Variants in TDG observed in about 807,000 individuals in gnomAD.
TDG encodes the protein G/T mismatch-specific thymine DNA glycosylase.
TDG carries 23 observed loss-of-function variants against 46.1 expected under a neutral mutation model. The observed-to-expected ratio is 0.50, with a 90% confidence interval of 0.36 to 0.71. TDG has a LOEUF of 0.71. Among genes scored for constraint, TDG ranks in the 30% least tolerant of loss-of-function variants. The pLI is 0.00. For missense variants in TDG, 304 were observed against 486.7 expected, an observed-to-expected ratio of 0.62 and a Z score of 3.53; for synonymous variants, 115 against 161.3, an observed-to-expected ratio of 0.71 and a Z score of 2.18.
chr12:103,987,894 A>T lies in TDG; in HGVS notation c.*804A>T, dbSNP rs1593521761. 6.6e-6 allele frequency: 1 copy of T among 152,606 alleles called. No individual in the cohort carries two copies. Among genetic ancestry groups the T allele is most frequent in the East Asian group, 1.9e-4 (1 of 5,194 alleles). The allele number at this position is 152,606 out of a possible 1,614,324, so 9.5% of individuals were successfully genotyped here. On this transcript the variant is annotated 3_prime_UTR_variant, in exon 10 of 10. Transcript: ENST00000392872. ...TCTTCCTTGGCTTTAAGAGTGTGCCATGGAAAGTGATAAGAAATGAACTTC... is the reference window on the plus strand; with the variant it reads ...TCTTCCTTGGCTTTAAGAGTGTGCCTTGGAAAGTGATAAGAAATGAACTTC...
rs1301877820 is a variant in TDG, at chr12:103,987,683, C to T, written c.*593C>T. The T allele has an allele frequency of 6.5e-6, 1 of 152,928 alleles. No homozygotes were observed. Among genetic ancestry groups the T allele is most frequent in the Non-Finnish European group, 1.5e-5 (1 of 68,434 alleles). 9.5% of individuals were successfully genotyped at this position (152,928 alleles called of 1,614,324 possible). On this transcript the variant is annotated 3_prime_UTR_variant, in exon 10 of 10. Coordinates refer to ENST00000392872, the MANE Select transcript of TDG (RefSeq NM_003211.6). ...AAAAACTGGCCCTTACCTGACAGAG[C>T]CCTGGCTTTGACCTGCTCAGCCCTG...
intron 7 of TDG, among the ~76,000 whole-genome samples, chr12:103,984,473 A>G (rs1872008702): frequency 1.3e-5 from 2 of 152,288 alleles, no homozygotes; most frequent in African/African-American, 4.8e-5. Context: ...CATGCGCTGT[A>G]ATCCCAGCTA....
intron 2 of TDG, among the ~76,000 whole-genome samples, chr12:103,977,874 G>A (rs1045097160): frequency 1.3e-5 from 2 of 152,074 alleles, no homozygotes; most frequent in Non-Finnish European, 2.9e-5. Flanking sequence ...GACCAGCCTG[G>A]CGAACATGGC....
intron 7 of TDG, among the ~76,000 whole-genome samples, chr12:103,984,098 C>T (rs968838839): frequency 7.9e-5 from 12 of 152,124 alleles, no homozygotes; most frequent in African/African-American, 2.9e-4. Flanking sequence ...GTTTCTGCCA[C>T]CTAAATATAT....
intron 8 of TDG, among the ~76,000 whole-genome samples, chr12:103,985,192 C>T (rs943940427): frequency 9.1e-5 from 13 of 142,912 alleles, no homozygotes; most frequent in Admixed American, 1.4e-4. Context: ...CACACACACA[C>T]ACACACACAC....
chr12:103,968,538 A>C (rs1871161760), intron 1 of TDG, among the ~76,000 whole-genome samples: 1 of 152,168 alleles, frequency 6.6e-6, no homozygotes, highest in Admixed American at 6.5e-5. Context: ...ATGTTAGCAA[A>C]ATGATTGTCT....
chr12:103,973,068 T>C, intron 1 of TDG: 1 of 690,252 alleles, frequency 1.4e-6, no homozygotes, highest in Admixed American at 2.1e-5. Context: ...TGTGACAGAG[T>C]AAAAACACGT....
chr12:103,968,308 A>G (rs1273845458), intron 1 of TDG, among the ~76,000 whole-genome samples: 1 of 152,224 alleles, frequency 6.6e-6, no homozygotes, highest in African/African-American at 2.4e-5. Context: ...ACTGGAAGAG[A>G]GTAGCATGGA....
At chr12:103,967,838 T>TCG (rs1871118949) in intron 1 of TDG, 1 of 140,712 alleles carries the variant, frequency 7.1e-6, no homozygotes, top group Non-Finnish European at 1.6e-5. Flanking sequence ...TTTGTTTTTT[T>TCG]TTTTTTTTGA....
chr12:103,980,063 C>A lies in TDG; in HGVS notation c.399C>A (p.Asp133Glu). Reference sequence around the variant, plus strand: ...CCGATATTTTGACCTTCAATCTGGACATTGTCATTGTAAGATCTTTGTCCT... The same window carrying A: ...CCGATATTTTGACCTTCAATCTGGAAATTGTCATTGTAAGATCTTTGTCCT... ...TLPDILTFNL[D>E]IVIIGINPGL... Residue 133 changes from aspartate to glutamate, a missense_variant, in exon 3 of 10, where the codon GAC becomes GAA. Asp to Glu is a conservative substitution (Grantham distance 45). Transcript: ENST00000392872. The A allele has an allele frequency of 1.9e-6, 3 of 1,614,142 alleles. No homozygotes were observed. The highest frequency in any genetic ancestry group is 2.5e-6 in the Non-Finnish European group (3 of 1,180,028).
At chr12:103,985,463 A>G in intron 8 of TDG, 140 bp from the exon 9 acceptor site, 1 of 999,278 alleles carries the variant, frequency 1.0e-6, no homozygotes, top group South Asian at 2.2e-5. Flanking sequence ...AGTACATGCT[A>G]TAAGTTTAAA....
At chr12:103,972,272 C>T (rs887258495) in intron 1 of TDG, among the ~76,000 whole-genome samples, 4 of 152,258 alleles carry the variant, frequency 2.6e-5, no homozygotes, top group South Asian at 2.1e-4. Context: ...GCGCATGCCA[C>T]GACGCCTGAC....
Position 103,984,824 on chromosome 12 carries a change from A to T in TDG, c.868A>T (p.Ile290Leu). ...AGCCCAAGACAAAGTTCATTACTACATAAAACTGAAGGACTTAAGAGATCA... is the reference window on the plus strand; with the variant it reads ...AGCCCAAGACAAAGTTCATTACTACTTAAAACTGAAGGACTTAAGAGATCA... ...PRAQDKVHYYIKLKDLRDQLK... is the reference protein window; with the variant it reads ...PRAQDKVHYYLKLKDLRDQLK... The change falls in exon 8 of 10, where the codon ATA becomes TTA. Residue 290 changes from isoleucine (I) to leucine (L), a missense_variant. Physicochemically the swap from Ile to Leu is conservative, Grantham distance 5. Transcript: ENST00000392872. The T allele has an allele frequency of 2.5e-6, 4 of 1,613,614 alleles. No homozygotes were observed. Among genetic ancestry groups the T allele is most frequent in the Non-Finnish European group, 3.4e-6 (4 of 1,179,536 alleles).
chr12:103,984,456 A>G (rs563598248), intron 7 of TDG, among the ~76,000 whole-genome samples: 2 of 152,264 alleles, frequency 1.3e-5, no homozygotes, highest in Non-Finnish European at 2.9e-5. Context: ...TTAGCCAGGC[A>G]TGGTGGCATG....
chr12:103,979,876 A>C lies in TDG; in HGVS notation c.212A>C (p.Lys71Thr). ...RKRKPRTTEP[K>T]QPVEPKKPVE... ...AGAAAACCCAGAACAACAGAACCAA[A>C]ACAACCAGTGGAACCCAAAAAACCT... The change falls in exon 3 of 10, where the codon AAA becomes ACA. Residue 71 changes from lysine (K) to threonine (T), a missense_variant. Physicochemically the swap from Lys to Thr is moderately conservative, Grantham distance 78. Transcript: ENST00000392872. The C allele has an allele frequency of 6.3e-7, 1 of 1,598,338 alleles. No individual in the cohort carries two copies. The highest frequency in any genetic ancestry group is 8.5e-7 in the Non-Finnish European group (1 of 1,176,272).
At chr12:103,983,256 C>G in intron 6 of TDG, 38 bp downstream of exon 6, 15 of 1,567,430 alleles carry the variant, frequency 9.6e-6, no homozygotes, top group Non-Finnish European at 1.3e-5. Context: ...TCTTTGCTAA[C>G]ATTATGGGCA....
At chr12:103,979,086 C>CATTGTGTTTTTCTTT (rs1359167401) in intron 2 of TDG, among the ~76,000 whole-genome samples, 1 of 139,638 alleles carries the variant, frequency 7.2e-6, no homozygotes, top group Non-Finnish European at 1.5e-5. Flanking sequence ...GCCCACAAGC[C>CATTGTGTTTTTCTTT]ATTGTGTTTT....
In TDG at chr12:103,987,476, T is replaced by C. The variant is rs1872228505; in HGVS notation, c.*386T>C. 1 of 162,140 alleles carries C rather than the reference T, an allele frequency of 6.2e-6. No homozygotes were observed. Among genetic ancestry groups the C allele is most frequent in the African/African-American group, 2.4e-5 (1 of 41,862 alleles). 10.0% of individuals were successfully genotyped at this position (162,140 alleles called of 1,614,324 possible). A position where few individuals can be genotyped will look rare whatever the true frequency, so the allele number is the denominator to read the frequency against. The stretch of plus-strand genomic sequence containing the variant: ...ATCCCTTTTATACCTAAGAAGGGCA[T>C]GCTAATAATTACCACTGTCAAAGAG... On this transcript the variant is annotated 3_prime_UTR_variant, in exon 10 of 10. Coordinates refer to ENST00000392872, the MANE Select transcript of TDG (RefSeq NM_003211.6).
Position 103,982,910 on chromosome 12 carries a change from C to T in TDG, c.590C>T (p.Thr197Met), listed in dbSNP as rs745524841. Residue 197 changes from threonine to methionine, a missense_variant, in exon 5 of 10, where the codon ACG becomes ATG. Coordinates refer to ENST00000392872, the MANE Select transcript of TDG (RefSeq NM_003211.6). ...IGFTNMVERT[T>M]PGSKDLSSKE... The stretch of plus-strand genomic sequence containing the variant: ...TTTACCAACATGGTGGAAAGGACCA[C>T]GCCCGGCAGCAAAGATCTCTCCAGG... 31 of 1,614,014 alleles carry T rather than the reference C, an allele frequency of 1.9e-5. No homozygotes were observed. Among genetic ancestry groups the T allele is most frequent in the South Asian group, 8.8e-5 (8 of 91,086 alleles).
Sources: allele counts gnomAD v4.1 joint callset (sites outside exome capture counted in the v4.1 genomes callset), GRCh38; gene constraint gnomAD v4.1.1; transcripts MANE v1.5; gene names NCBI Gene and HGNC (gene_info 2026-07-23, HGNC 2026-07-21).